CUX2: variants seen among roughly 807,000 people sequenced by gnomAD.
CUX2 encodes the protein cut like homeobox 2, also known as homeobox protein cut-like 2.
CUX2 carries 40 observed loss-of-function variants against 144.8 expected under a neutral mutation model. The observed-to-expected ratio is 0.28, with a 90% CI of 0.21 to 0.36. The LOEUF is 0.36. Ranked by LOEUF, CUX2 falls within the 10% of genes least tolerant of loss-of-function variation. The pLI is 1.00. For missense variants in CUX2, 1,615 were observed against 1,994.0 expected, an observed-to-expected ratio of 0.81 and a Z score of 3.62; for synonymous variants, 827 against 875.6, an observed-to-expected ratio of 0.94 and a Z score of 0.98.
intron 1 of CUX2, among the ~76,000 whole-genome samples, chr12:111,064,460 T>TTA (rs1363989134): frequency 3.3e-5 from 5 of 152,230 alleles, no homozygotes; most frequent in African/African-American, 1.2e-4. Context: ...ATGTTCACCA[T>TTA]TAATATGATT....
chr12:111,248,120 T>C (rs926442681), intron 3 of CUX2, among the ~76,000 whole-genome samples: 7 of 152,128 alleles, frequency 4.6e-5, no homozygotes, highest in Admixed American at 3.9e-4. Flanking sequence ...AGGCTGGTCT[T>C]GAACTCCTGA....
intron 1 of CUX2, among the ~76,000 whole-genome samples, chr12:111,097,738 C>A (rs570648227): frequency 1.2e-4 from 18 of 152,268 alleles, no homozygotes; most frequent in African/African-American, 4.3e-4. Flanking sequence ...AGGGAGGATC[C>A]GCAAAGAGAC....
chr12:111,137,677 C>T (rs1334110351), intron 1 of CUX2, among the ~76,000 whole-genome samples: 1 of 151,980 alleles, frequency 6.6e-6, no homozygotes, highest in Admixed American at 6.6e-5. Flanking sequence ...CCATACCCAG[C>T]TAATTTTTAA....
At chr12:111,292,154 G>A (rs1184269742) in intron 5 of CUX2, among the ~76,000 whole-genome samples, 7 of 152,148 alleles carry the variant, frequency 4.6e-5, no homozygotes, top group East Asian at 3.8e-4. Flanking sequence ...ACATGGCAGC[G>A]TTACTCATAA....
intron 1 of CUX2, among the ~76,000 whole-genome samples, chr12:111,070,334 TCCTTCCCTTCCTC>T (rs1390438322): frequency 6.6e-6 from 1 of 151,620 alleles, no homozygotes; most frequent in Non-Finnish European, 1.5e-5. Flanking sequence ...CTCCCTTCCT[TCCTTCCCTTCCTC>T]CCTTCCCTCT....
chr12:111,347,672 C>A lies in CUX2; in HGVS notation c.3808C>A (p.Pro1270Thr). The change falls in exon 22 of 22, where the codon CCA becomes ACA. Residue 1270 changes from proline (P) to threonine (T), a missense_variant. By Grantham distance (38) the Pro-to-Thr change is conservative. Coordinates refer to ENST00000261726, the MANE Select transcript of CUX2 (RefSeq NM_015267.4). The stretch of plus-strand genomic sequence containing the variant: ...TGACTCTGAGACTGAGGACCAGAAG[C>A]CAACCGTGAAGGAACTGGAGCTTCA... The part of the protein sequence containing the change: ...SPDSETEDQK[P>T]TVKELELQEG... 1 of 1,613,480 alleles carries A rather than the reference C, an allele frequency of 6.2e-7. No individual in the cohort carries two copies. The highest frequency in any genetic ancestry group is 8.5e-7 in the Non-Finnish European group (1 of 1,179,780).
At chr12:111,188,672 G>T (rs1879700963) in intron 1 of CUX2, among the ~76,000 whole-genome samples, 1 of 152,118 alleles carries the variant, frequency 6.6e-6, no homozygotes, top group Admixed American at 6.5e-5. Context: ...AGTGGGCGGG[G>T]CCAGGTCACA....
intron 19 of CUX2, among the ~76,000 whole-genome samples, chr12:111,336,169 C>A (rs777783769): frequency 3.3e-5 from 5 of 152,240 alleles, no homozygotes; most frequent in Admixed American, 6.5e-5. Flanking sequence ...GAAGTCTTTG[C>A]CCTCTTGGGC....
At chr12:111,091,682 C>T (rs561927405) in intron 1 of CUX2, among the ~76,000 whole-genome samples, 10 of 152,322 alleles carry the variant, frequency 6.6e-5, no homozygotes, top group African/African-American at 1.4e-4. Context: ...TTTGTCCTCT[C>T]GTGGTTCTGG....
intron 1 of CUX2, among the ~76,000 whole-genome samples, chr12:111,170,978 G>A (rs1464893556): frequency 6.6e-6 from 1 of 152,114 alleles, no homozygotes; most frequent in Non-Finnish European, 1.5e-5. Context: ...TCTGGTCAAG[G>A]TGCATGGGAA....
intron 1 of CUX2, among the ~76,000 whole-genome samples, chr12:111,127,249 G>A (rs745507116): frequency 9.2e-5 from 14 of 152,114 alleles, no homozygotes; most frequent in Non-Finnish European, 1.9e-4. Context: ...TTGGCCTTCG[G>A]CAAACAACTC....
chr12:111,292,784 G>A (rs1009748965), intron 5 of CUX2, among the ~76,000 whole-genome samples: 2 of 152,078 alleles, frequency 1.3e-5, no homozygotes, highest in Admixed American at 1.3e-4. Flanking sequence ...TTTCCTTTTG[G>A]AAAATTGTGA....
At chr12:111,173,436 C>G (rs1423619222) in intron 1 of CUX2, among the ~76,000 whole-genome samples, 1 of 152,248 alleles carries the variant, frequency 6.6e-6, no homozygotes. Flanking sequence ...CATTCATGTG[C>G]TCATGCAACA....
At chr12:111,196,683 C>T (rs971277981) in intron 1 of CUX2, among the ~76,000 whole-genome samples, 7 of 152,152 alleles carry the variant, frequency 4.6e-5, no homozygotes, top group Non-Finnish European at 8.8e-5. Context: ...CCATCCTGTA[C>T]GGTAGCCACT....
rs1871112616 is a variant in CUX2 at position 111,068,499 on chromosome 12, T to C, written c.63+34259T>C. Among the ~76,000 whole-genome samples the C allele has an allele frequency of 6.6e-6, 1 of 152,204 alleles. No homozygotes were observed. The highest frequency in any genetic ancestry group is 2.4e-5 in the African/African-American group (1 of 41,460). On this transcript the variant is annotated intron_variant, in intron 1 of 21. Transcript: ENST00000261726. This position sits in a 1 kb window ranked among gnomAD's most constrained non-coding sequence, Gnocchi z 4.9. ...ACGCCTGCAACAGTGAGCTTTTTTATTTTTTTCCAGAAAGCCTTCAGCCCA... is the reference window on the plus strand; with the variant it reads ...ACGCCTGCAACAGTGAGCTTTTTTACTTTTTTCCAGAAAGCCTTCAGCCCA...
At chr12:111,155,936 TA>T (rs923541553) in intron 1 of CUX2, among the ~76,000 whole-genome samples, 45 of 145,488 alleles carry the variant, frequency 3.1e-4, no homozygotes, top group African/African-American at 9.0e-4. Flanking sequence ...AAAAAAAAAA[TA>T]AAAATAAAAA....
intron 18 of CUX2, among the ~76,000 whole-genome samples, chr12:111,325,238 G>A (rs990441869): frequency 6.6e-6 from 1 of 151,772 alleles, no homozygotes; most frequent in Non-Finnish European, 1.5e-5. Flanking sequence ...AGCTTGCAAT[G>A]AGCCGAGATC....
At chr12:111,321,008 C>T (rs1200050612) in intron 17 of CUX2, among the ~76,000 whole-genome samples, 2 of 152,160 alleles carry the variant, frequency 1.3e-5, no homozygotes, top group Non-Finnish European at 2.9e-5. Context: ...CTCCTCCAGG[C>T]CCCTCCAGAT....
Position 111,310,339 on chromosome 12 carries a change from C to A in CUX2, c.1557C>A (p.Ala519=). ...TCTATGGCGCCAAGCCCCCCACAGCCCCTGCCACCCCGGCCCCTGGCCCTG... is the reference window on the plus strand; with the variant it reads ...TCTATGGCGCCAAGCCCCCCACAGCACCTGCCACCCCGGCCCCTGGCCCTG... The part of the protein sequence containing the change: ...PAFYGAKPPT[A]PATPAPGPEP... The change falls in exon 15 of 22, where the codon GCC becomes GCA. Residue 519 remains alanine, a synonymous_variant. Transcript: ENST00000261726. This position sits in a 1 kb window ranked among gnomAD's most constrained non-coding sequence, Gnocchi z 7.9. The A allele has an allele frequency of 1.3e-6, 2 of 1,540,278 alleles. No individual in the cohort carries two copies. The highest frequency in any genetic ancestry group is 1.4e-5 in the African/African-American group (1 of 73,800).
Sources: allele counts gnomAD v4.1 joint callset (sites outside exome capture counted in the v4.1 genomes callset), GRCh38; gene constraint gnomAD v4.1.1; non-coding constraint Gnocchi (gnomAD v3.1); transcripts MANE v1.5; gene names NCBI Gene and HGNC (gene_info 2026-07-23, HGNC 2026-07-21).